BTBD9: variants seen among roughly 807,000 people sequenced by gnomAD.
The protein encoded by BTBD9 is BTB/POZ domain-containing protein 9.
In BTBD9, 49 loss-of-function variants were observed where a neutral mutation model predicts 64.3. The observed-to-expected ratio is 0.76, with a 90% CI of 0.61 to 0.97. The LOEUF (loss-of-function observed/expected upper bound fraction) is 0.97. Among genes scored for constraint, BTBD9 ranks in the 50% least tolerant of loss-of-function variants. The probability of loss-of-function intolerance (pLI) is 0.00; values close to 1 mark genes in which losing one functional copy is unlikely to be tolerated. For synonymous variants in BTBD9, 260 were observed against 274.7 expected (o/e 0.95, Z 0.53); for missense variants, 598 against 762.1 (o/e 0.78, Z 2.53).
At chr6:38,475,785 G>T (rs1770851661) in intron 6 of BTBD9, among the ~76,000 whole-genome samples, 1 of 152,130 alleles carries the variant, frequency 6.6e-6, no homozygotes, top group African/African-American at 2.4e-5. Flanking sequence ...TTGAACCACG[G>T]ACTGATAGGG....
At chr6:38,361,215 A>T (rs1394120445) in intron 6 of BTBD9, among the ~76,000 whole-genome samples, 1 of 152,180 alleles carries the variant, frequency 6.6e-6, no homozygotes, top group East Asian at 1.9e-4. Flanking sequence ...ATTAGTCTGA[A>T]TCATAATAAA....
intron 6 of BTBD9, among the ~76,000 whole-genome samples, chr6:38,544,874 C>G (rs1313662796): frequency 7.5e-6 from 1 of 132,466 alleles, no homozygotes; most frequent in Non-Finnish European, 1.5e-5. Context: ...TTGCAGTGAG[C>G]CAAGACCGTG....
chr6:38,390,796 T>G (rs890568294), intron 6 of BTBD9, among the ~76,000 whole-genome samples: 1 of 152,264 alleles, frequency 6.6e-6, no homozygotes, highest in Admixed American at 6.5e-5. Context: ...TTTAAAGAAC[T>G]GTACTTTTTT....
At chr6:38,424,647 G>T (rs1768064713) in intron 6 of BTBD9, among the ~76,000 whole-genome samples, 1 of 149,958 alleles carries the variant, frequency 6.7e-6, no homozygotes, top group Non-Finnish European at 1.5e-5. Flanking sequence ...CTCCCAAGCA[G>T]CTGGCATTAC....
intron 6 of BTBD9, among the ~76,000 whole-genome samples, chr6:38,472,796 TAATC>T (rs1770710967): frequency 6.6e-6 from 1 of 152,168 alleles, no homozygotes; most frequent in African/African-American, 2.4e-5. Flanking sequence ...GCTCAAGTCA[TAATC>T]AAGCCCACTC....
intron 1 of BTBD9, among the ~76,000 whole-genome samples, chr6:38,601,346 G>A (rs1271010458): frequency 6.6e-6 from 1 of 152,182 alleles, no homozygotes; most frequent in African/African-American, 2.4e-5. Context: ...CGCAGAAAAT[G>A]AGTATTGTTT....
chr6:38,517,150 A>G lies in BTBD9; in HGVS notation c.1154+60450T>C, dbSNP rs1773067271. ...TACAAAGGAGTCAATGTTGACCTAG[A>G]TCCACAGCAACCAAGATGATCTGTG... On this transcript the variant is annotated intron_variant, in intron 6 of 10. Coordinates refer to ENST00000481247, the MANE Select transcript of BTBD9 (RefSeq NM_001099272.2). Among the ~76,000 whole-genome samples, 6 of 152,176 alleles carry G rather than the reference A, an allele frequency of 3.9e-5. 1 individual carries two copies. The South Asian group carries it at 1.2e-3, about 32-fold the overall frequency.
rs1562095919 is a variant in BTBD9, at chr6:38,374,323, A to ATATATATATATATATG, written c.1155-29231_1155-29230insCATATATATATATATA. 2.7e-4 allele frequency among the ~76,000 whole-genome samples: 33 copies of ATATATATATATATATG among 121,788 alleles called. 1 individual carries two copies. The highest frequency in any genetic ancestry group is 9.6e-4 in the African/African-American group (29 of 30,190). The allele number at this position is 121,788 out of a possible 152,430, so 79.9% of individuals were successfully genotyped here. A position where few individuals can be genotyped will look rare whatever the true frequency, so the allele number is the denominator to read the frequency against. On this transcript the variant is annotated intron_variant, in intron 6 of 10. Coordinates refer to ENST00000481247, the MANE Select transcript of BTBD9 (RefSeq NM_001099272.2). ...TATATATATGTATATATATATATAT[A>ATATATATATATATATG]TATGTATATAAAATCTGTACTCAAA... is the stretch of plus-strand genomic sequence containing the variant.
chr6:38,532,852 G>A (rs1773857715), intron 6 of BTBD9, among the ~76,000 whole-genome samples: 1 of 151,698 alleles, frequency 6.6e-6, no homozygotes, highest in African/African-American at 2.4e-5. Context: ...TACAGGGAGA[G>A]ACTCCTTCTG....
intron 1 of BTBD9, among the ~76,000 whole-genome samples, chr6:38,608,634 A>G (rs1396844618): frequency 6.6e-6 from 1 of 152,250 alleles, no homozygotes; most frequent in African/African-American, 2.4e-5. Flanking sequence ...TTTCATTTGT[A>G]GAATGTTATA....
chr6:38,259,617 C>T (rs774932049), intron 8 of BTBD9, among the ~76,000 whole-genome samples: 1 of 152,328 alleles, frequency 6.6e-6, no homozygotes, highest in African/African-American at 2.4e-5. Context: ...TAGGGTCTCA[C>T]TGTGTTGGCC....
At chr6:38,531,920 C>T (rs895677709) in intron 6 of BTBD9, among the ~76,000 whole-genome samples, 4 of 152,186 alleles carry the variant, frequency 2.6e-5, no homozygotes, top group African/African-American at 9.7e-5. Flanking sequence ...CCCACTCCTG[C>T]TCCCACAAGG....
intron 9 of BTBD9, among the ~76,000 whole-genome samples, chr6:38,254,249 A>C (rs774860215): frequency 4.0e-4 from 60 of 151,810 alleles, no homozygotes; most frequent in Non-Finnish European, 6.0e-4. Flanking sequence ...ATGACTGAGA[A>C]ATAAACTGTT....
rs1299050906 is a variant in BTBD9 at position 38,618,877 on chromosome 6, G to A, written c.-27-20756C>T. On this transcript the variant is annotated intron_variant, in intron 1 of 10. Coordinates refer to ENST00000481247, the MANE Select transcript of BTBD9 (RefSeq NM_001099272.2). ...TGCCTGGTAACTTAGTCAAGTAAAT[G>A]ACAGAATGATAGCCGGAGAAAGGGA... Among the ~76,000 whole-genome samples the A allele has an allele frequency of 3.7e-4, 57 of 152,182 alleles. 1 individual carries two copies. The highest frequency in any genetic ancestry group is 7.3e-5 in the Non-Finnish European group (5 of 68,042).
chr6:38,322,553 A>G (rs1178076548), intron 7 of BTBD9, among the ~76,000 whole-genome samples: 6 of 152,218 alleles, frequency 3.9e-5, no homozygotes, highest in Non-Finnish European at 7.3e-5. Context: ...ATCAAAGACA[A>G]TGAAACACCA....
chr6:38,617,656 T>C (rs952958539), intron 1 of BTBD9, among the ~76,000 whole-genome samples: 1 of 152,108 alleles, frequency 6.6e-6, no homozygotes, highest in Non-Finnish European at 1.5e-5. Flanking sequence ...CCTCAGAAAT[T>C]ACAGACTCCA....
At chr6:38,375,902 A>AGAAG (rs1765662757) in intron 6 of BTBD9, among the ~76,000 whole-genome samples, 1 of 119,452 alleles carries the variant, frequency 8.4e-6, no homozygotes, top group African/African-American at 3.8e-5. Flanking sequence ...AAAGAAAGAA[A>AGAAG]GAAAGAAAGA....
At chr6:38,210,546 G>GTT (rs1762798581) in intron 9 of BTBD9, among the ~76,000 whole-genome samples, 1 of 134,156 alleles carries the variant, frequency 7.5e-6, no homozygotes, top group Non-Finnish European at 1.6e-5. Context: ...TTGTGTGTGT[G>GTT]TGTGTGTGTG....
chr6:38,199,358 G>A (rs543296897), intron 9 of BTBD9, among the ~76,000 whole-genome samples: 3 of 152,118 alleles, frequency 2.0e-5, no homozygotes, highest in Non-Finnish European at 4.4e-5. Flanking sequence ...TGGCCCAAGA[G>A]GAAAGAGCTA....
Sources: gnomAD v4.1 joint callset for allele counts (sites outside exome capture counted in the v4.1 genomes callset) on GRCh38, gnomAD v4.1.1 for gene constraint, MANE v1.5 for transcripts, NCBI Gene and HGNC (gene_info 2026-07-23, HGNC 2026-07-21) for gene names.